Variants in HMGN1 observed in about 807,000 individuals in gnomAD.
HMGN1 encodes non-histone chromosomal protein HMG-14.
In HMGN1, 9 loss-of-function variants were observed where a neutral mutation model predicts 18.4. The ratio of observed to expected loss-of-function variants is 0.49; its 90% CI spans 0.29 to 0.85. The LOEUF is 0.85. HMGN1 is among the 40% of genes least tolerant of loss of function. HMGN1 has a pLI of 0.07. For synonymous variants in HMGN1, 59 were observed against 45.0 expected (o/e 1.31, Z -1.24); for missense variants, 151 against 119.2 (o/e 1.27, Z -1.24).
At chr21:39,348,215 T>A in intron 4 of HMGN1, 77 bp downstream of exon 4, 1 of 1,558,552 alleles carries the variant, frequency 6.4e-7, no homozygotes, top group Non-Finnish European at 8.8e-7. Context: ...CAATAGCTAA[T>A]CAAAATGGAA....
rs2037139668 is a variant in HMGN1, at chr21:39,348,407, G to C, written c.78+15C>G. 6.2e-7 allele frequency: 1 copy of C among 1,614,184 alleles called. No individual in the cohort carries two copies. The highest frequency in any genetic ancestry group is 2.2e-5 in the East Asian group (1 of 44,864). On this transcript the variant is annotated intron_variant, in intron 3 of 5. Transcript: ENST00000380749. The stretch of plus-strand genomic sequence containing the variant: ...CCCGCGGAAAACGAACGGTTACGGG[G>C]CTCGCTTTACTTACAGCTGACAACC...
At position 39,342,456 on chromosome 21, in the gene HMGN1, T is replaced by C. The variant is rs1045276062; in HGVS notation, c.*656A>G. 1 of 194,716 alleles carries C rather than the reference T, an allele frequency of 5.1e-6. No homozygotes were observed. Among genetic ancestry groups the C allele is most frequent in the Non-Finnish European group, 1.1e-5 (1 of 93,046 alleles). The allele number at this position is 194,716 out of a possible 1,614,324, so 12.1% of individuals were successfully genotyped here. ...AAGTTATTCCAGTGACTTTCCAGCT[T>C]AAAATTTGGAAGCAAATTTTCCTTA... On this transcript the variant is annotated 3_prime_UTR_variant, in exon 6 of 6. Transcript: ENST00000380749.
chr21:39,345,132 C>CACACACACACAG lies in HMGN1; in HGVS notation c.255+13_255+14insCTGTGTGTGTGT. ...AATCACACACACACACACACACACA[C>CACACACACACAG]ACACACTTCTGACCTCCTCAGTCTT... is the stretch of plus-strand genomic sequence containing the variant. On this transcript the variant is annotated intron_variant, in intron 5 of 5. Coordinates refer to ENST00000380749, the MANE Select transcript of HMGN1 (RefSeq NM_004965.7). 6.4e-7 allele frequency: 1 copy of CACACACACACAG among 1,574,332 alleles called. No homozygotes were observed. The highest frequency in any genetic ancestry group is 8.6e-7 in the Non-Finnish European group (1 of 1,158,728).
intron 5 of HMGN1, 21 bp from the exon 6 acceptor site, chr21:39,343,180 A>G (rs1260921775): frequency 1.3e-6 from 2 of 1,585,756 alleles, no homozygotes; most frequent in East Asian, 2.3e-5. Flanking sequence ...AAGGAAATTG[A>G]GATCTTTAGC....
intron 4 of HMGN1, chr21:39,347,132 G>A (rs2037084494): frequency 5.9e-6 from 1 of 168,796 alleles, no homozygotes; most frequent in East Asian, 1.7e-4. Flanking sequence ...TTTTAACAAG[G>A]TCAGCTAATT....
intron 5 of HMGN1, among the ~76,000 whole-genome samples, chr21:39,343,415 A>G (rs1014005162): frequency 7.9e-5 from 12 of 152,108 alleles, no homozygotes; most frequent in African/African-American, 2.9e-4. Context: ...AGCTGAGGTC[A>G]CTCTGTCTTC....
At chr21:39,345,890 A>G (rs752441573) in intron 4 of HMGN1, 12 of 1,302,486 alleles carry the variant, frequency 9.2e-6, no homozygotes, top group Non-Finnish European at 1.2e-5. Context: ...TAATCCCTTC[A>G]TATCATATAA....
chr21:39,345,206 C>T lies in HMGN1; in HGVS notation c.195G>A (p.Val65=). The change falls in exon 5 of 6, where the codon GTG becomes GTA. Residue 65 remains valine, a synonymous_variant. Coordinates refer to ENST00000380749, the MANE Select transcript of HMGN1 (RefSeq NM_004965.7). ...AGTCTTCTTTAGTTTCTTGGTTAGC[C>T]ACTTCGGCCTGTTTTCCCTTTGCTC... ...KRGAKGKQAE[V]ANQETKEDLP... 6.2e-7 allele frequency: 1 copy of T among 1,613,628 alleles called. No individual in the cohort carries two copies. Among genetic ancestry groups the T allele is most frequent in the Non-Finnish European group, 8.5e-7 (1 of 1,179,950 alleles).
chr21:39,348,031 A>C, intron 4 of HMGN1: 1 of 1,130,472 alleles, frequency 8.8e-7, no homozygotes, highest in Non-Finnish European at 1.2e-6. Flanking sequence ...GCAAAGAATA[A>C]ATTTCCTTTG....
At chr21:39,343,744 G>C (rs2036945217) in intron 5 of HMGN1, among the ~76,000 whole-genome samples, 1 of 152,208 alleles carries the variant, frequency 6.6e-6, no homozygotes, top group Non-Finnish European at 1.5e-5. Flanking sequence ...TGAAAATGTT[G>C]TGATCAGAGG....
intron 4 of HMGN1, chr21:39,345,820 G>C (rs1442688424): frequency 2.3e-6 from 3 of 1,298,626 alleles, no homozygotes; most frequent in Non-Finnish European, 3.0e-6. Context: ...CTCACATTAA[G>C]ACCAATCACC....
chr21:39,345,870 C>G (rs1224796263), intron 4 of HMGN1: 1 of 1,303,162 alleles, frequency 7.7e-7, no homozygotes, highest in Non-Finnish European at 1.0e-6. Context: ...GTTGACTATC[C>G]TGCTACAGTT....
rs776066119 is a variant in HMGN1 at position 39,348,260 on chromosome 21, C to T, written c.126+32G>A. The T allele has an allele frequency of 5.6e-6, 9 of 1,613,356 alleles. No individual in the cohort carries two copies. In the Admixed American group the frequency reaches 1.3e-4, roughly 24 times the overall value. Reference sequence around the variant, plus strand: ...TAAGAAGCAGTGTAGCCTAAGGCCCCGCTGCATCCCAATGCGCGTTTCGAG... The same window carrying T: ...TAAGAAGCAGTGTAGCCTAAGGCCCTGCTGCATCCCAATGCGCGTTTCGAG... On this transcript the variant is annotated intron_variant, in intron 4 of 5. Coordinates refer to ENST00000380749, the MANE Select transcript of HMGN1 (RefSeq NM_004965.7).
intron 4 of HMGN1, chr21:39,346,140 G>C: frequency 2.6e-6 from 1 of 378,036 alleles, no homozygotes. Flanking sequence ...AGCCCCCAGC[G>C]GGTGGTATAA....
chr21:39,348,764 C>T, intron 1 of HMGN1, 139 bp downstream of exon 1: 1 of 1,061,300 alleles, frequency 9.4e-7, no homozygotes, highest in Non-Finnish European at 1.2e-6. Context: ...GCCGAGCGCT[C>T]GCCTGCCCGC....
intron 5 of HMGN1, among the ~76,000 whole-genome samples, chr21:39,344,201 A>G (rs1346549798): frequency 6.7e-6 from 1 of 149,912 alleles, no homozygotes; most frequent in Non-Finnish European, 1.5e-5. Flanking sequence ...GGATGCAGTG[A>G]GCCAAGATCC....
chr21:39,343,276 C>G, intron 5 of HMGN1, 117 bp from the exon 6 acceptor site: 1 of 1,000,592 alleles, frequency 1.0e-6, no homozygotes, highest in African/African-American at 1.6e-5. Flanking sequence ...AGTCACCTAC[C>G]TACTCTTGTT....
At chr21:39,346,162 G>T (rs180830451) in intron 4 of HMGN1, 2 of 358,494 alleles carry the variant, frequency 5.6e-6, no homozygotes, top group Non-Finnish European at 1.1e-5. Flanking sequence ...AGACCCATAC[G>T]GATACTGACC....
At chr21:39,348,755 C>T in intron 1 of HMGN1, 148 bp downstream of exon 1, 2 of 1,087,812 alleles carry the variant, frequency 1.8e-6, no homozygotes, top group Non-Finnish European at 2.4e-6. Context: ...CCCGCGGCCG[C>T]CGAGCGCTCG....
Sources: gnomAD v4.1 joint callset for allele counts (sites outside exome capture counted in the v4.1 genomes callset) on GRCh38, gnomAD v4.1.1 for gene constraint, MANE v1.5 for transcripts, NCBI Gene and HGNC (gene_info 2026-07-23, HGNC 2026-07-21) for gene names.